NWD2: variants seen among roughly 807,000 people sequenced by gnomAD.
NWD2 encodes the protein NACHT and WD repeat domain containing 2.
Under a neutral mutation model 132.7 loss-of-function variants are expected in NWD2, and 37 were observed. That is an observed-to-expected ratio of 0.28 (90% CI 0.21 to 0.37). The LOEUF is 0.37. Ranked by LOEUF, NWD2 falls within the 10% of genes least tolerant of loss-of-function variation. The probability of loss-of-function intolerance (pLI) is 1.00; values close to 1 mark genes in which losing one functional copy is unlikely to be tolerated. For missense variants in NWD2, 1,592 were observed against 2,122.4 expected, an observed-to-expected ratio of 0.75 and a Z score of 4.91; for synonymous variants, 705 against 803.0, an observed-to-expected ratio of 0.88 and a Z score of 2.06.
intron 1 of NWD2, among the ~76,000 whole-genome samples, chr4:37,263,602 G>C (rs1717692596): frequency 6.6e-6 from 1 of 152,126 alleles, no homozygotes; most frequent in Non-Finnish European, 1.5e-5. Flanking sequence ...ATGTATTGAA[G>C]GCATTTAGCA....
intron 1 of NWD2, among the ~76,000 whole-genome samples, chr4:37,262,264 A>G (rs889731426): frequency 4.6e-5 from 7 of 152,220 alleles, no homozygotes; most frequent in African/African-American, 1.7e-4. Flanking sequence ...TATTCATTTA[A>G]GGAGCATATT....
chr4:37,404,604 C>T lies in NWD2; in HGVS notation c.358-25968C>T, dbSNP rs184627898. 3.5e-3 allele frequency among the ~76,000 whole-genome samples: 538 copies of T among 152,276 alleles called. 5 individuals are homozygous for T. The highest frequency in any genetic ancestry group is 3.3e-3 in the Non-Finnish European group (223 of 68,018). ...CCCTCTTTCTGATCCAGCCTATAAC[C>T]TCAGGAAGGGCAATGTATTAGTCAG... On this transcript the variant is annotated intron_variant, in intron 3 of 6. Transcript: ENST00000309447.
chr4:37,427,688 G>GT (rs1415002175), intron 3 of NWD2, among the ~76,000 whole-genome samples: 1 of 152,184 alleles, frequency 6.6e-6, no homozygotes, highest in Non-Finnish European at 1.5e-5. Flanking sequence ...GAACAGCTAG[G>GT]TTAGATCTAC....
intron 3 of NWD2, among the ~76,000 whole-genome samples, chr4:37,376,750 T>C (rs1346905198): frequency 1.3e-5 from 2 of 152,182 alleles, no homozygotes; most frequent in East Asian, 3.8e-4. Context: ...TAAAACATGG[T>C]GACTTTTAAA....
At chr4:37,305,079 G>A (rs1443743038) in intron 1 of NWD2, among the ~76,000 whole-genome samples, 7 of 152,208 alleles carry the variant, frequency 4.6e-5, no homozygotes, top group African/African-American at 1.4e-4. Context: ...GCACTCGCAG[G>A]CTCAACGCTA....
chr4:37,303,077 A>G (rs867044527), intron 1 of NWD2, among the ~76,000 whole-genome samples: 1 of 152,086 alleles, frequency 6.6e-6, no homozygotes, highest in Admixed American at 6.5e-5. Flanking sequence ...TAGTAGTTTT[A>G]TAGTTTCAGG....
chr4:37,344,168 TA>T (rs2109296013), intron 2 of NWD2, among the ~76,000 whole-genome samples: 2 of 152,314 alleles, frequency 1.3e-5, no homozygotes, highest in African/African-American at 4.8e-5. Context: ...CTTAATTTTT[TA>T]AAGTATGTAA....
chr4:37,273,416 C>A (rs1051695953), intron 1 of NWD2, among the ~76,000 whole-genome samples: 1 of 151,984 alleles, frequency 6.6e-6, no homozygotes, highest in African/African-American at 2.4e-5. Flanking sequence ...TACAGGAGCA[C>A]CCAGATTCAT....
At chr4:37,379,548 G>A (rs1325064238) in intron 3 of NWD2, among the ~76,000 whole-genome samples, 1 of 152,062 alleles carries the variant, frequency 6.6e-6, no homozygotes, top group African/African-American at 2.4e-5. Flanking sequence ...ATACCTCCAG[G>A]AGGTATTCAG....
chr4:37,443,200 A>G lies in NWD2; in HGVS notation c.1297-85A>G, dbSNP rs2109330784. On this transcript the variant is annotated intron_variant, in intron 6 of 6. Coordinates refer to ENST00000309447, the MANE Select transcript of NWD2 (RefSeq NM_001144990.2). This position sits in a 1 kb window ranked among gnomAD's most constrained non-coding sequence, Gnocchi z 4.1. The stretch of plus-strand genomic sequence containing the variant: ...TCCTGCACAGCAGAGGAGACCAGAA[A>G]TCTGAGCTCTGGAGAGAGGCAATGT... 8.2e-7 allele frequency: 1 copy of G among 1,218,732 alleles called. No individual in the cohort carries two copies. The highest frequency in any genetic ancestry group is 1.6e-5 in the South Asian group (1 of 64,470). 75.5% of individuals were successfully genotyped at this position (1,218,732 alleles called of 1,614,324 possible). A position where few individuals can be genotyped will look rare whatever the true frequency, so the allele number is the denominator to read the frequency against.
At chr4:37,390,214 A>ATTTAAGTATATGTACATATAC (rs570810571) in intron 3 of NWD2, among the ~76,000 whole-genome samples, 4 of 151,436 alleles carry the variant, frequency 2.6e-5, no homozygotes, top group African/African-American at 9.8e-5. Flanking sequence ...TTATACTGAA[A>ATTTAAGTATATGTACATATAC]TTTAAGTATA....
intron 3 of NWD2, among the ~76,000 whole-genome samples, chr4:37,424,193 G>T (rs1414225281): frequency 6.6e-6 from 1 of 152,198 alleles, no homozygotes; most frequent in East Asian, 1.9e-4. Context: ...GAGTTCTGCA[G>T]TACACAGGGT....
chr4:37,445,200 C>T lies in NWD2; in HGVS notation c.3212C>T (p.Ala1071Val), dbSNP rs1353546316. 2.6e-6 allele frequency: 4 copies of T among 1,551,980 alleles called. No individual in the cohort carries two copies. The highest frequency in any genetic ancestry group is 3.5e-6 in the Non-Finnish European group (4 of 1,147,068). ...GGATTTACACTGTCCGCCAACCACG[C>T]CCTTGCATGGCTCGAAGCCAGCAAA... ...INGFTLSANH[A>V]LAWLEASKDV... The change falls in exon 7 of 7, where the codon GCC becomes GTC. Residue 1071 changes from alanine (A) to valine (V), a missense_variant. Physicochemically the swap from Ala to Val is moderately conservative, Grantham distance 64 (BLOSUM62 0). Around this residue, in one of 7 missense-constraint regions of NWD2, gnomAD observed 1,071 missense variants for 1,398.0 expected, o/e 0.77. Coordinates refer to ENST00000309447, the MANE Select transcript of NWD2 (RefSeq NM_001144990.2). The surrounding 1 kb of genome is among the most constrained non-coding windows in gnomAD (Gnocchi z 4.7).
intron 4 of NWD2, among the ~76,000 whole-genome samples, chr4:37,432,694 TTCTTTAACA>T (rs1455324303): frequency 6.6e-6 from 1 of 152,222 alleles, no homozygotes; most frequent in African/African-American, 2.4e-5. Flanking sequence ...TTAATATTTT[TTCTTTAACA>T]TCTTAAACAG....
At chr4:37,341,313 A>G (rs1719518243) in intron 2 of NWD2, among the ~76,000 whole-genome samples, 1 of 152,234 alleles carries the variant, frequency 6.6e-6, no homozygotes, top group Non-Finnish European at 1.5e-5. Flanking sequence ...AGTGTATTAA[A>G]TGAATTTTCA....
At chr4:37,378,551 A>G (rs957405415) in intron 3 of NWD2, among the ~76,000 whole-genome samples, 3 of 152,202 alleles carry the variant, frequency 2.0e-5, no homozygotes, top group Admixed American at 6.5e-5. Flanking sequence ...TCTTAGGACA[A>G]TTCCCCAACT....
intron 1 of NWD2, among the ~76,000 whole-genome samples, chr4:37,258,149 C>T (rs1337995727): frequency 6.6e-6 from 1 of 152,242 alleles, no homozygotes; most frequent in Non-Finnish European, 1.5e-5. Flanking sequence ...GCCTGTGGTT[C>T]CCACATCTAT....
intron 2 of NWD2, among the ~76,000 whole-genome samples, chr4:37,341,591 CATGGATTCTAG>C (rs1719526973): frequency 6.6e-6 from 1 of 152,102 alleles, no homozygotes; most frequent in Non-Finnish European, 1.5e-5. Flanking sequence ...TAAATCAGGT[CATGGATTCTAG>C]ACACTATCTT....
At chr4:37,273,013 T>C (rs1161572840) in intron 1 of NWD2, among the ~76,000 whole-genome samples, 1 of 151,784 alleles carries the variant, frequency 6.6e-6, no homozygotes, top group African/African-American at 2.4e-5. Context: ...GTTCACCCAA[T>C]AGATTCAAGT....
Sources: gnomAD v4.1 joint callset for allele counts (sites outside exome capture counted in the v4.1 genomes callset) on GRCh38, gnomAD v4.1.1 for gene constraint, gnomAD v4.1.1 regional missense constraint, Gnocchi (gnomAD v3.1) non-coding constraint, MANE v1.5 for transcripts, NCBI Gene and HGNC (gene_info 2026-07-23, HGNC 2026-07-21) for gene names.